ECM2: variants seen among roughly 807,000 people sequenced by gnomAD.
ECM2 encodes extracellular matrix protein 2, female organ and adipocyte specific.
Under a neutral mutation model 67.5 loss-of-function variants are expected in ECM2, and 57 were observed. That is an observed-to-expected ratio of 0.84 (90% CI 0.68 to 1.05). The LOEUF (loss-of-function observed/expected upper bound fraction) is 1.05, where lower values mean the gene tolerates loss of function less well. Among genes scored for constraint, ECM2 ranks in the 50% least tolerant of loss-of-function variants. ECM2 has a pLI of 0.00. For missense variants in ECM2, 741 were observed against 822.8 expected, an observed-to-expected ratio of 0.90 and a Z score of 1.22; for synonymous variants, 258 against 294.5, an observed-to-expected ratio of 0.88 and a Z score of 1.27.
chr9:92,523,854 A>G (rs2131250552), intron 1 of ECM2, among the ~76,000 whole-genome samples: 1 of 152,332 alleles, frequency 6.6e-6, no homozygotes, highest in South Asian at 2.1e-4. Context: ...TAACGGCGAT[A>G]AGAAGGCTTT....
At position 92,515,126 on chromosome 9, in the gene ECM2, G is replaced by A. The variant is rs527276959; in HGVS notation, c.559C>T (p.Pro187Ser). ...FSGDSSEQRE[P>S]TNLLHKQLPP... ...AGTTGCTTATGAAGTAAATTGGTAG[G>A]TTCTCTTTGTTCTGAAGAATCACCA... Residue 187 changes from proline (P) to serine (S), a missense_variant, in exon 4 of 10, where the codon CCT (proline) becomes TCT (serine). Coordinates refer to ENST00000344604, the MANE Select transcript of ECM2 (RefSeq NM_001393.4). 18 of 1,612,730 alleles carry A rather than the reference G, an allele frequency of 1.1e-5. No individual in the cohort carries two copies. The East Asian group carries it at 3.6e-4, about 32-fold the overall frequency.
In ECM2 at chr9:92,520,245, C is replaced by T. The variant is rs146889063; in HGVS notation, c.292+2330G>A. Among the ~76,000 whole-genome samples the T allele has an allele frequency of 3.2e-4, 48 of 151,308 alleles. No individual in the cohort carries two copies. The East Asian group carries it at 7.6e-3, about 24-fold the overall frequency. ...CTGCAGTGAGCTATGATTGTACCAC[C>T]GTATTCCAGCCTGGACAGCAGAGCA... On this transcript the variant is annotated intron_variant, in intron 2 of 9. Coordinates refer to ENST00000344604, the MANE Select transcript of ECM2 (RefSeq NM_001393.4).
At chr9:92,512,392 A>G (rs1479416238) in intron 4 of ECM2, among the ~76,000 whole-genome samples, 1 of 152,256 alleles carries the variant, frequency 6.6e-6, no homozygotes, top group Admixed American at 6.5e-5. Flanking sequence ...AAGGTGCTTA[A>G]CACAGCCAGA....
intron 9 of ECM2, among the ~76,000 whole-genome samples, chr9:92,498,305 T>C (rs1846474268): frequency 6.6e-6 from 1 of 152,060 alleles, no homozygotes; most frequent in Non-Finnish European, 1.5e-5. Context: ...AAGACAATCA[T>C]AGACGTTGGG....
the ECM2 span, among the ~76,000 whole-genome samples, chr9:92,546,948 CATAACT>C: frequency 6.6e-6 from 1 of 152,100 alleles, no homozygotes; most frequent in Non-Finnish European, 1.5e-5. Flanking sequence ...TTAAGACCAG[CATAACT>C]ATATTACAAA....
At chr9:92,506,860 G>C (rs554226182) in intron 6 of ECM2, among the ~76,000 whole-genome samples, 1 of 152,144 alleles carries the variant, frequency 6.6e-6, no homozygotes, top group Non-Finnish European at 1.5e-5. Flanking sequence ...GAAGGTTGGT[G>C]CTCAGAGAGA....
intron 1 of ECM2, 33 bp from the exon 2 acceptor site, chr9:92,522,926 G>T: frequency 6.6e-7 from 1 of 1,511,044 alleles, no homozygotes; most frequent in Non-Finnish European, 8.8e-7. Context: ...AGTTAGTGGT[G>T]ACTAAATTTT....
At chr9:92,539,198 G>C (rs1849257927), upstream of ECM2, 1 of 152,158 alleles carries the variant, frequency 6.6e-6, no homozygotes, top group South Asian at 2.1e-4. Context: ...AGTAGGGCGA[G>C]GTAAAATGGC....
rs568950731 is a variant in ECM2, at chr9:92,495,935, G to A, written c.*380C>T. 54 of 985,888 alleles carry A rather than the reference G, an allele frequency of 5.5e-5. No individual in the cohort carries two copies. The African/African-American group carries it at 9.1e-4, about 17-fold the overall frequency. 61.1% of individuals were successfully genotyped at this position (985,888 alleles called of 1,614,324 possible). Reference sequence around the variant, plus strand: ...TGTTGTCATTATGCTTCTTAATCTTGAACCAAAAGATACATAATTTTTAAA... The same window carrying A: ...TGTTGTCATTATGCTTCTTAATCTTAAACCAAAAGATACATAATTTTTAAA... On this transcript the variant is annotated 3_prime_UTR_variant, in exon 10 of 10. Transcript: ENST00000344604.
the ECM2 span, among the ~76,000 whole-genome samples, chr9:92,552,016 TATG>T: frequency 1.4e-5 from 2 of 143,550 alleles, no homozygotes; most frequent in Admixed American, 1.4e-4. Context: ...ATATATATGA[TATG>T]ATAGATCTAT....
chr9:92,494,097 A>G (rs918694497), downstream of ECM2: 16 of 1,597,388 alleles, frequency 1.0e-5, no homozygotes, highest in Non-Finnish European at 1.3e-5. Context: ...CAGAGAGGAA[A>G]GGCCACATCT....
chr9:92,532,015 G>GTTTTTTTTGTTTT (rs1563990161), intron 1 of ECM2, among the ~76,000 whole-genome samples: 1 of 95,736 alleles, frequency 1.0e-5, no homozygotes, highest in Non-Finnish European at 1.9e-5. Context: ...TTTATTTAAT[G>GTTTTTTTTGTTTT]TTTTTTTTTT....
intron 1 of ECM2, among the ~76,000 whole-genome samples, chr9:92,525,510 C>T (rs765983188): frequency 3.3e-5 from 5 of 152,118 alleles, no homozygotes; most frequent in African/African-American, 1.2e-4. Context: ...TGCCTAGAGA[C>T]GTCACAGCAT....
Position 92,500,593 on chromosome 9 carries a change from A to C in ECM2, c.1931+134T>G, listed in dbSNP as rs191625644. On this transcript the variant is annotated intron_variant, in intron 9 of 9. Coordinates refer to ENST00000344604, the MANE Select transcript of ECM2 (RefSeq NM_001393.4). Reference sequence around the variant, plus strand: ...CTTTGGTAATTACTAACATTTGCCAATCTTGTTTAATCCAACCCCTTAGCA... The same window carrying C: ...CTTTGGTAATTACTAACATTTGCCACTCTTGTTTAATCCAACCCCTTAGCA... 5.3e-4 allele frequency: 440 copies of C among 830,762 alleles called. No individual in the cohort carries two copies. The African/African-American group carries it at 7.0e-3, about 13-fold the overall frequency. The allele number at this position is 830,762 out of a possible 1,614,324, so 51.5% of individuals were successfully genotyped here.
At chr9:92,503,661 G>A (rs897045808) in intron 7 of ECM2, among the ~76,000 whole-genome samples, 1 of 152,162 alleles carries the variant, frequency 6.6e-6, no homozygotes, top group Non-Finnish European at 1.5e-5. Context: ...AGAATTCAGA[G>A]GTAAAACTGG....
chr9:92,551,953 G>A, the ECM2 span, among the ~76,000 whole-genome samples: 4 of 108,112 alleles, frequency 3.7e-5, no homozygotes, highest in African/African-American at 1.7e-4. Context: ...ATATATATAT[G>A]ATATATATAT....
the ECM2 span, among the ~76,000 whole-genome samples, chr9:92,558,911 G>A: frequency 6.6e-6 from 1 of 152,096 alleles, no homozygotes; most frequent in South Asian, 2.1e-4. Context: ...CAGGGAAGTT[G>A]GGGAAAGCCG....
At chr9:92,499,628 C>A (rs1022016298) in intron 9 of ECM2, among the ~76,000 whole-genome samples, 4 of 152,184 alleles carry the variant, frequency 2.6e-5, no homozygotes, top group Non-Finnish European at 5.9e-5. Flanking sequence ...GCATATGGCA[C>A]AACCTGTGAA....
chr9:92,497,317 C>G (rs986617745), intron 9 of ECM2, among the ~76,000 whole-genome samples: 1 of 152,050 alleles, frequency 6.6e-6, no homozygotes, highest in Non-Finnish European at 1.5e-5. Flanking sequence ...GAGTGATATA[C>G]TGATACTTTT....
Sources: gnomAD v4.1 joint callset for allele counts (sites outside exome capture counted in the v4.1 genomes callset) on GRCh38, gnomAD v4.1.1 for gene constraint, MANE v1.5 for transcripts, NCBI Gene and HGNC (gene_info 2026-07-23, HGNC 2026-07-21) for gene names.